The following WIPF2 variants were observed in gnomAD, a reference collection of about 807,000 sequenced individuals.
WIPF2 encodes the protein WAS/WASL interacting protein family member 2, also known as WAS/WASL-interacting protein family member 2.
In WIPF2, 23 loss-of-function variants were observed where a neutral mutation model predicts 38.8. That is an observed-to-expected ratio of 0.59 (90% CI 0.43 to 0.84). The LOEUF (loss-of-function observed/expected upper bound fraction) is 0.84, where lower values mean the gene tolerates loss of function less well. WIPF2 is among the 40% of genes least tolerant of loss of function. WIPF2 has a pLI of 0.00. For missense variants in WIPF2, 574 were observed against 580.5 expected (o/e 0.99, Z 0.11); for synonymous variants, 210 against 223.2 (o/e 0.94, Z 0.53).
chr17:40,232,232 C>G (rs2030779515), intron 1 of WIPF2, among the ~76,000 whole-genome samples: 1 of 136,724 alleles, frequency 7.3e-6, no homozygotes, highest in Admixed American at 7.7e-5. Flanking sequence ...CTCTGTTGCC[C>G]AGACCAGAGT....
Position 40,278,468 on chromosome 17 carries a change from C to A in WIPF2, c.*243C>A, listed in dbSNP as rs752840166. The A allele has an allele frequency of 1.9e-6, 1 of 516,892 alleles. No homozygotes were observed. Among genetic ancestry groups the A allele is most frequent in the Non-Finnish European group, 3.4e-6 (1 of 290,542 alleles). The allele number at this position is 516,892 out of a possible 1,614,324, so 32.0% of individuals were successfully genotyped here. On this transcript the variant is annotated 3_prime_UTR_variant, in exon 8 of 8. Coordinates refer to ENST00000323571, the MANE Select transcript of WIPF2 (RefSeq NM_133264.5). ...CTGCATCCATCCTTCCTCCAGCAAG[C>A]CCTGCTAGCCACATGAGGAACAAGT...
At chr17:40,232,079 G>A (rs1305830935) in intron 1 of WIPF2, among the ~76,000 whole-genome samples, 3 of 141,816 alleles carry the variant, frequency 2.1e-5, no homozygotes, top group South Asian at 2.2e-4. Context: ...GTGGTGTGAT[G>A]TCTGCTCACT....
chr17:40,219,417 G>T lies in WIPF2; in HGVS notation c.-145G>T. The T allele has an allele frequency of 2.5e-6, 1 of 396,304 alleles. No homozygotes were observed. Among genetic ancestry groups the T allele is most frequent in the Non-Finnish European group, 4.8e-6 (1 of 209,058 alleles). The allele number at this position is 396,304 out of a possible 1,614,324, so 24.5% of individuals were successfully genotyped here. A position where few individuals can be genotyped will look rare whatever the true frequency, so the allele number is the denominator to read the frequency against. On this transcript the variant is annotated 5_prime_UTR_variant, in exon 1 of 8. Transcript: ENST00000323571. The stretch of plus-strand genomic sequence containing the variant: ...CGGCGGCGACGGCGAGAAAGAGCTT[G>T]CCGGGGGGCGAGCAGGACAGGACGA...
Position 40,273,952 on chromosome 17 carries a change from T to C in WIPF2, c.1133T>C (p.Leu378Pro). 6.3e-7 allele frequency: 1 copy of C among 1,575,564 alleles called. No homozygotes were observed. Among genetic ancestry groups the C allele is most frequent in the East Asian group, 2.4e-5 (1 of 42,484 alleles). Residue 378 changes from leucine (L) to proline (P), a missense_variant, in exon 6 of 8, where the codon CTG becomes CCG. By Grantham distance (98) the Leu-to-Pro change is moderately conservative (BLOSUM62 -3). Coordinates refer to ENST00000323571, the MANE Select transcript of WIPF2 (RefSeq NM_133264.5). ...CCACCCCCTCCTCCTCCACCGCCCC[T>C]GAGGAATGGCCACAGAGATTCTATC... The part of the protein sequence containing the change: ...AGPPPPPPPP[L>P]RNGHRDSITT...
intron 1 of WIPF2, among the ~76,000 whole-genome samples, chr17:40,256,023 G>A (rs1487324235): frequency 6.7e-6 from 1 of 149,416 alleles, no homozygotes; most frequent in African/African-American, 2.5e-5. Flanking sequence ...GGGCTCAGGA[G>A]TTCTAGGCTG....
At chr17:40,233,866 C>T (rs557440134) in intron 1 of WIPF2, among the ~76,000 whole-genome samples, 9 of 151,986 alleles carry the variant, frequency 5.9e-5, no homozygotes, top group Non-Finnish European at 1.0e-4. Context: ...GAGTTCGAGA[C>T]CAGCCTGACC....
intron 2 of WIPF2, among the ~76,000 whole-genome samples, chr17:40,258,359 C>T (rs149459184): frequency 4.0e-5 from 6 of 151,632 alleles, no homozygotes; most frequent in Admixed American, 2.0e-4. Context: ...TTTGGGAGGC[C>T]GAGGCGGGCA....
At chr17:40,274,950 A>G (rs1285754628) in intron 6 of WIPF2, among the ~76,000 whole-genome samples, 1 of 150,382 alleles carries the variant, frequency 6.6e-6, no homozygotes, top group African/African-American at 2.4e-5. Context: ...AAAAAAAAAA[A>G]AAAAGTCGGC....
intron 1 of WIPF2, among the ~76,000 whole-genome samples, chr17:40,234,704 G>A (rs917639095): frequency 2.6e-5 from 4 of 152,174 alleles, no homozygotes; most frequent in African/African-American, 9.6e-5. Flanking sequence ...GGCTGGAAGA[G>A]CATAGATCAG....
chr17:40,225,434 G>T (rs894188304), intron 1 of WIPF2, among the ~76,000 whole-genome samples: 2 of 152,056 alleles, frequency 1.3e-5, no homozygotes, highest in African/African-American at 4.8e-5. Flanking sequence ...CTCTCTTTAA[G>T]ATTTTGGCTC....
At chr17:40,245,374 G>A (rs934351168) in intron 1 of WIPF2, among the ~76,000 whole-genome samples, 9 of 149,720 alleles carry the variant, frequency 6.0e-5, no homozygotes, top group Non-Finnish European at 1.2e-4. Flanking sequence ...ATGGAGTCCC[G>A]TTCTGTCGCC....
Position 40,262,527 on chromosome 17 carries a change from C to G in WIPF2, c.199C>G (p.Pro67Ala), listed in dbSNP as rs1355606087. 1 of 1,613,492 alleles carries G rather than the reference C, an allele frequency of 6.2e-7. No individual in the cohort carries two copies. Among genetic ancestry groups the G allele is most frequent in the Middle Eastern group, 1.7e-4 (1 of 6,056 alleles). ...NDRSAPILEKPKGSSGGYGSG... is the reference protein window; with the variant it reads ...NDRSAPILEKAKGSSGGYGSG... ...AACCCTACTGGTATGCTTTCCAGAG[C>G]CGAAAGGAAGCAGTGGTGGCTATGG... Residue 67 changes from proline to alanine, a missense_variant and splice_region_variant, in exon 4 of 8, where the codon CCG becomes GCG. By Grantham distance (27) the Pro-to-Ala change is conservative. Transcript: ENST00000323571.
intron 1 of WIPF2, among the ~76,000 whole-genome samples, chr17:40,237,241 CTTTT>C (rs533124301): frequency 7.7e-6 from 1 of 129,482 alleles, no homozygotes; most frequent in Non-Finnish European, 1.6e-5. Context: ...TCAATTTTTC[CTTTT>C]TTTTTTTTTT....
At chr17:40,254,605 G>GT (rs769276863) in intron 1 of WIPF2, among the ~76,000 whole-genome samples, 25 of 152,132 alleles carry the variant, frequency 1.6e-4, no homozygotes, top group Non-Finnish European at 3.1e-4. Flanking sequence ...AGTTTTAAGT[G>GT]TTTGGTGATC....
intron 1 of WIPF2, among the ~76,000 whole-genome samples, chr17:40,253,728 A>AT (rs1158963468): frequency 6.6e-6 from 1 of 152,142 alleles, no homozygotes; most frequent in African/African-American, 2.4e-5. Context: ...AGGACTGTCC[A>AT]TTTTTTTGTG....
rs750627008 is a variant in WIPF2 at position 40,278,197 on chromosome 17, C to G, written c.1295C>G (p.Ala432Gly). The change falls in exon 8 of 8, where the codon GCC (alanine) becomes GGC (glycine). Residue 432 changes from alanine to glycine, a missense_variant. By Grantham distance (60) the Ala-to-Gly change is moderately conservative. Transcript: ENST00000323571. The stretch of plus-strand genomic sequence containing the variant: ...TGTTTTTTTTCAGCTGCCCGTGGAG[C>G]CCCACCTCTGCCACCCATTCTCAGG... ...PSKTNRAARG[A>G]PPLPPILR 4.3e-6 allele frequency: 7 copies of G among 1,613,668 alleles called. No individual in the cohort carries two copies. The highest frequency in any genetic ancestry group is 5.9e-6 in the Non-Finnish European group (7 of 1,179,852).
chr17:40,272,298 C>T (rs568235217), intron 5 of WIPF2, among the ~76,000 whole-genome samples: 80 of 152,182 alleles, frequency 5.3e-4, no homozygotes, highest in African/African-American at 1.8e-3. Flanking sequence ...GGATTACAGG[C>T]GTGAGCCACC....
Position 40,277,136 on chromosome 17 carries a change from G to C in WIPF2, c.1234G>C (p.Glu412Gln), listed in dbSNP as rs1220378086. ...TCCAGTAGAAGACTTTCCTGCTCCA[G>C]AAGAATATAAACACTTTCAGAGGAT... ...FHPVEDFPAP[E>Q]EYKHFQRIYP... Residue 412 changes from glutamate to glutamine, a missense_variant, in exon 7 of 8, where the codon GAA (glutamate) becomes CAA (glutamine). Coordinates refer to ENST00000323571, the MANE Select transcript of WIPF2 (RefSeq NM_133264.5). 1.9e-6 allele frequency: 3 copies of C among 1,613,408 alleles called. No homozygotes were observed. Among genetic ancestry groups the C allele is most frequent in the Non-Finnish European group, 2.5e-6 (3 of 1,179,792 alleles).
intron 1 of WIPF2, among the ~76,000 whole-genome samples, chr17:40,243,713 G>T (rs551312242): frequency 2.6e-5 from 4 of 151,736 alleles, no homozygotes; most frequent in Admixed American, 2.0e-4. Flanking sequence ...TAGAGATGGG[G>T]TTTCTCTGTA....
Sources: gnomAD v4.1 joint callset for allele counts (sites outside exome capture counted in the v4.1 genomes callset) on GRCh38, gnomAD v4.1.1 for gene constraint, MANE v1.5 for transcripts, NCBI Gene and HGNC (gene_info 2026-07-23, HGNC 2026-07-21) for gene names.